NCKAP5: variants seen among roughly 807,000 people sequenced by gnomAD.
The protein encoded by NCKAP5 is nck-associated protein 5.
In NCKAP5, 92 loss-of-function variants were observed where a neutral mutation model predicts 167.0. The ratio of observed to expected loss-of-function variants is 0.55; its 90% confidence interval spans 0.47 to 0.66. The LOEUF is 0.66. Among genes scored for constraint, NCKAP5 ranks in the 30% least tolerant of loss-of-function variants. The pLI is 0.00. For missense variants in NCKAP5, 2,378 were observed against 2,315.0 expected (o/e 1.03, Z -0.56); for synonymous variants, 891 against 877.4 (o/e 1.02, Z -0.27).
At chr2:133,123,698 T>A (rs1288005161) in intron 6 of NCKAP5, 1 of 457,488 alleles carries the variant, frequency 2.2e-6, no homozygotes, top group African/African-American at 2.0e-5. Flanking sequence ...TGACGAACAG[T>A]CAGACATGGG....
intron 8 of NCKAP5, chr2:132,954,759 G>T (rs1261161052): frequency 4.5e-6 from 2 of 445,468 alleles, no homozygotes; most frequent in African/African-American, 2.0e-5. Flanking sequence ...AGCCATTTCT[G>T]ATTAGTGTAA....
At position 133,095,392 on chromosome 2, in the gene NCKAP5, C is replaced by A. The variant is rs995398314; in HGVS notation, c.341+34586G>T. On this transcript the variant is annotated intron_variant, in intron 6 of 19. Transcript: ENST00000409261. Reference sequence around the variant, plus strand: ...ATTTTCCTGCTCTTAGAATTTGGGTCAGGCTCGTGACTGGTTTTCATCAAC... The same window carrying A: ...ATTTTCCTGCTCTTAGAATTTGGGTAAGGCTCGTGACTGGTTTTCATCAAC... Among the ~76,000 whole-genome samples the A allele has an allele frequency of 3.3e-5, 5 of 152,324 alleles. No homozygotes were observed. In the East Asian group the frequency reaches 5.8e-4, roughly 18 times the overall value.
At chr2:133,580,924 T>G in the NCKAP5 span, among the ~76,000 whole-genome samples, 3 of 152,212 alleles carry the variant, frequency 2.0e-5, no homozygotes, top group Non-Finnish European at 1.5e-5. Context: ...CAACAGCTAC[T>G]TGCAATCAGT....
chr2:133,467,167 A>G (rs2151262254), intron 3 of NCKAP5, among the ~76,000 whole-genome samples: 1 of 151,596 alleles, frequency 6.6e-6, no homozygotes, highest in South Asian at 2.1e-4. Context: ...AGCTCTTATT[A>G]TTTTGAAATA....
At chr2:132,779,575 A>C (rs1465879850) in intron 15 of NCKAP5, among the ~76,000 whole-genome samples, 1 of 151,990 alleles carries the variant, frequency 6.6e-6, no homozygotes, top group East Asian at 1.9e-4. Flanking sequence ...CATGGAAGCC[A>C]AGAGCAGAAA....
At chr2:133,080,862 A>G (rs1204282240) in intron 6 of NCKAP5, among the ~76,000 whole-genome samples, 1 of 152,170 alleles carries the variant, frequency 6.6e-6, no homozygotes, top group Non-Finnish European at 1.5e-5. Context: ...ACAGGAGGGA[A>G]AAGGTGGGAT....
At chr2:132,930,732 A>G (rs1484756748) in intron 8 of NCKAP5, 1 of 152,130 alleles carries the variant, frequency 6.6e-6, no homozygotes, top group Non-Finnish European at 1.5e-5. Context: ...CTCTCTATAT[A>G]TCCTATAGTT....
intron 4 of NCKAP5, among the ~76,000 whole-genome samples, chr2:133,253,177 A>G (rs1402164078): frequency 6.6e-6 from 1 of 152,246 alleles, no homozygotes; most frequent in South Asian, 2.1e-4. Context: ...AGAATGCCCA[A>G]TGCATTTCAA....
intron 3 of NCKAP5, among the ~76,000 whole-genome samples, chr2:133,501,450 A>T (rs570437912): frequency 1.3e-5 from 2 of 152,276 alleles, no homozygotes; most frequent in Admixed American, 6.5e-5. Flanking sequence ...CATAGAAATG[A>T]TTTCTTTTGG....
At chr2:133,545,466 T>G (rs1162316330) in intron 2 of NCKAP5, among the ~76,000 whole-genome samples, 1 of 152,124 alleles carries the variant, frequency 6.6e-6, no homozygotes, top group Non-Finnish European at 1.5e-5. Context: ...AAGACAGGTA[T>G]GACCTCTAAA....
At chr2:133,191,341 C>T (rs1193215594) in intron 5 of NCKAP5, among the ~76,000 whole-genome samples, 1 of 152,156 alleles carries the variant, frequency 6.6e-6, no homozygotes, top group East Asian at 1.9e-4. Flanking sequence ...TAAACTAGTT[C>T]AACCATTGTG....
At chr2:133,491,462 T>A (rs1246442739) in intron 3 of NCKAP5, among the ~76,000 whole-genome samples, 1 of 152,158 alleles carries the variant, frequency 6.6e-6, no homozygotes, top group Non-Finnish European at 1.5e-5. Flanking sequence ...TCACCAAGGT[T>A]ATGATTAAAT....
chr2:133,039,592 AC>A (rs1281921546), intron 6 of NCKAP5, among the ~76,000 whole-genome samples: 1 of 152,134 alleles, frequency 6.6e-6, no homozygotes, highest in Non-Finnish European at 1.5e-5. Context: ...GAGATCAAAG[AC>A]CATGAGATTA....
intron 7 of NCKAP5, among the ~76,000 whole-genome samples, chr2:132,990,561 G>T (rs2077420955): frequency 6.6e-6 from 1 of 152,132 alleles, no homozygotes; most frequent in African/African-American, 2.4e-5. Flanking sequence ...ATCAACTTCA[G>T]GATCTCAAGA....
chr2:133,068,044 A>G (rs556916060), intron 6 of NCKAP5, among the ~76,000 whole-genome samples: 74 of 152,274 alleles, frequency 4.9e-4, no homozygotes, highest in African/African-American at 1.7e-3. Flanking sequence ...AAACCCAGAG[A>G]GAGGTAGCTA....
At chr2:133,134,040 C>T (rs938782425) in intron 5 of NCKAP5, among the ~76,000 whole-genome samples, 2 of 152,138 alleles carry the variant, frequency 1.3e-5, no homozygotes, top group African/African-American at 2.4e-5. Flanking sequence ...TTAGGTTTGC[C>T]GATTGCCTGA....
chr2:133,641,094 G>A, the NCKAP5 span, among the ~76,000 whole-genome samples: 3 of 152,200 alleles, frequency 2.0e-5, no homozygotes, highest in Admixed American at 1.3e-4. Flanking sequence ...AAGCTCTTTG[G>A]AGGTTCTCTG....
intron 19 of NCKAP5, among the ~76,000 whole-genome samples, chr2:132,711,474 G>A (rs1688840629): frequency 6.6e-6 from 1 of 152,162 alleles, no homozygotes; most frequent in Non-Finnish European, 1.5e-5. Context: ...GCACAGAAAG[G>A]CTCAGTGATC....
At chr2:132,907,138 C>T (rs1694065749) in intron 8 of NCKAP5, among the ~76,000 whole-genome samples, 1 of 152,284 alleles carries the variant, frequency 6.6e-6, no homozygotes, top group Middle Eastern at 3.4e-3. Flanking sequence ...TTACTTTTAA[C>T]TTATGAATAG....
Sources: gnomAD v4.1 joint callset for allele counts (sites outside exome capture counted in the v4.1 genomes callset) on GRCh38, gnomAD v4.1.1 for gene constraint, MANE v1.5 for transcripts, NCBI Gene and HGNC (gene_info 2026-07-23, HGNC 2026-07-21) for gene names.